The following AQP4 variants were observed in gnomAD, a reference collection of about 807,000 sequenced individuals.
AQP4 encodes aquaporin-4.
Under a neutral mutation model 27.8 loss-of-function variants are expected in AQP4, and 18 were observed. That is an observed-to-expected ratio of 0.65 (90% confidence interval 0.45 to 0.96). AQP4 has a LOEUF of 0.96. Ranked by LOEUF, AQP4 falls within the 40% of genes least tolerant of loss-of-function variation. The probability of loss-of-function intolerance (pLI) is 0.00; values close to 1 mark genes in which losing one functional copy is unlikely to be tolerated. For missense variants in AQP4, 412 were observed against 408.2 expected (o/e 1.01, Z -0.08); for synonymous variants, 141 against 142.9 (o/e 0.99, Z 0.10).
chr18:26,853,106 T>TTTGGAA lies in AQP4; in HGVS notation c.*3104_*3105insTTCCAA. 1 of 388,838 alleles carries TTTGGAA rather than the reference T, an allele frequency of 2.6e-6. No individual in the cohort carries two copies. The highest frequency in any genetic ancestry group is 4.5e-6 in the Non-Finnish European group (1 of 220,330). 24.1% of individuals were successfully genotyped at this position (388,838 alleles called of 1,614,324 possible). On this transcript the variant is annotated 3_prime_UTR_variant, in exon 5 of 5. Transcript: ENST00000383168. ...TGATAAATCATATAGCTCAATTTCA[T>TTTGGAA]CACATATGTTTTCCAAAGATTTCTA...
At chr18:26,857,651 TGC>T (rs953557735) in intron 4 of AQP4, among the ~76,000 whole-genome samples, 2 of 152,184 alleles carry the variant, frequency 1.3e-5, no homozygotes, top group Admixed American at 6.5e-5. Context: ...ATATTAGCTA[TGC>T]CCCTAGAATA....
intron 1 of AQP4, among the ~76,000 whole-genome samples, chr18:26,864,368 C>A (rs993469893): frequency 2.6e-5 from 4 of 152,124 alleles, no homozygotes; most frequent in Non-Finnish European, 5.9e-5. Flanking sequence ...CTTTCTTGCC[C>A]AGGCCCGGGT....
In AQP4 at chr18:26,862,429, G is replaced by A. The variant is rs767503231; in HGVS notation, c.200C>T (p.Pro67Leu). The change falls in exon 2 of 5, where the codon CCG becomes CTG. Residue 67 changes from proline (P) to leucine (L), a missense_variant. Transcript: ENST00000383168. ...AAGGGAGATGAGAACCATGTCGACC[G>A]GTAAAGGCTTTTCTGTTCCACCCCA... ...INWGGTEKPLPVDMVLISLCF... is the reference protein window; with the variant it reads ...INWGGTEKPLLVDMVLISLCF... 9 of 1,614,062 alleles carry A rather than the reference G, an allele frequency of 5.6e-6. No homozygotes were observed. Among genetic ancestry groups the A allele is most frequent in the South Asian group, 4.4e-5 (4 of 91,084 alleles).
At chr18:26,858,689 G>C (rs1227643986) in intron 4 of AQP4, among the ~76,000 whole-genome samples, 1 of 152,132 alleles carries the variant, frequency 6.6e-6, no homozygotes, top group Non-Finnish European at 1.5e-5. Context: ...AATCCCACAA[G>C]GGAGACTAGA....
Position 26,856,109 on chromosome 18 carries a change from C to G in AQP4, c.*102G>C. On this transcript the variant is annotated 3_prime_UTR_variant, in exon 5 of 5. Coordinates refer to ENST00000383168, the MANE Select transcript of AQP4 (RefSeq NM_001650.7). ...AGTAATATGACATGAAACAACAAAC[C>G]TGCACATTTCTAATTTATAACAAAT... is the stretch of plus-strand genomic sequence containing the variant. The G allele has an allele frequency of 7.0e-7, 1 of 1,429,850 alleles. No homozygotes were observed. The allele number at this position is 1,429,850 out of a possible 1,614,324, so 88.6% of individuals were successfully genotyped here.
At position 26,861,203 on chromosome 18, in the gene AQP4, G is replaced by A. The variant is rs778752585; in HGVS notation, c.540C>T (p.Ser180=). ...TTGAGCCAGTGACATCAGTCCGTTT[G>A]GAATCACAGCTGGCAAAGATAGTAA... ...LVFTIFASCD[S]KRTDVTGSIA... is the part of the protein sequence containing the mutation. Residue 180 remains serine, a synonymous_variant, in exon 3 of 5, where the codon TCC becomes TCT. Coordinates refer to ENST00000383168, the MANE Select transcript of AQP4 (RefSeq NM_001650.7). 31 of 1,613,988 alleles carry A rather than the reference G, an allele frequency of 1.9e-5. No homozygotes were observed. The highest frequency in any genetic ancestry group is 2.5e-5 in the Non-Finnish European group (30 of 1,179,990).
Position 26,852,340 on chromosome 18 carries a change from G to A in AQP4, c.*3871C>T, listed in dbSNP as rs1329162527. 1 of 152,128 alleles carries A rather than the reference G, an allele frequency of 6.6e-6. No homozygotes were observed. Among genetic ancestry groups the A allele is most frequent in the Non-Finnish European group, 1.5e-5 (1 of 68,170 alleles). The allele number at this position is 152,128 out of a possible 1,614,324, so 9.4% of individuals were successfully genotyped here. A position where few individuals can be genotyped will look rare whatever the true frequency, so the allele number is the denominator to read the frequency against. ...AATTGTTTATATGTTTTCATAAATT[G>A]CATGTTTATTTAATTAATCCTGAAG... On this transcript the variant is annotated 3_prime_UTR_variant, in exon 5 of 5. Coordinates refer to ENST00000383168, the MANE Select transcript of AQP4 (RefSeq NM_001650.7).
At chr18:26,863,606 A>G (rs1451851677) in intron 1 of AQP4, among the ~76,000 whole-genome samples, 1 of 151,938 alleles carries the variant, frequency 6.6e-6, no homozygotes. Flanking sequence ...ATGCAGATAA[A>G]CCTGCCAAAG....
At chr18:26,865,427 T>A (rs2055041765) in intron 1 of AQP4, 1 of 621,896 alleles carries the variant, frequency 1.6e-6, no homozygotes. Context: ...TTTCCTGGGC[T>A]TTTGCAGATC....
chr18:26,852,849 C>T lies in AQP4; in HGVS notation c.*3362G>A. 3 of 398,382 alleles carry T rather than the reference C, an allele frequency of 7.5e-6. No homozygotes were observed. 24.7% of individuals were successfully genotyped at this position (398,382 alleles called of 1,614,324 possible). A position where few individuals can be genotyped will look rare whatever the true frequency, so the allele number is the denominator to read the frequency against. On this transcript the variant is annotated 3_prime_UTR_variant, in exon 5 of 5. Transcript: ENST00000383168. ...TATTGTTTGATAAGGTTGTCTGTGC[C>T]CCCCAGACTTCCATCTTCAGTTGCC...
At chr18:26,862,069 C>T (rs1273757173) in intron 2 of AQP4, 113 bp downstream of exon 2, 18 of 1,230,464 alleles carry the variant, frequency 1.5e-5, no homozygotes, top group East Asian at 2.3e-5. Context: ...TCAAAAATTC[C>T]CTAGGAGTAA....
At chr18:26,864,005 G>A (rs889309291) in intron 1 of AQP4, among the ~76,000 whole-genome samples, 2 of 150,506 alleles carry the variant, frequency 1.3e-5, no homozygotes, top group African/African-American at 2.4e-5. Context: ...GGGGGGGGGG[G>A]GCAATTACCC....
chr18:26,862,443 T>C lies in AQP4; in HGVS notation c.186A>G (p.Thr62=). The C allele has an allele frequency of 6.2e-7, 1 of 1,614,240 alleles. No homozygotes were observed. The highest frequency in any genetic ancestry group is 8.5e-7 in the Non-Finnish European group (1 of 1,180,036). ...CCATGTCGACCGGTAAAGGCTTTTC[T>C]GTTCCACCCCAGTTGATGGTGGATC... ...SLGSTINWGG[T]EKPLPVDMVL... Residue 62 remains threonine (T), a synonymous_variant, in exon 2 of 5, where the codon ACA becomes ACG. Coordinates refer to ENST00000383168, the MANE Select transcript of AQP4 (RefSeq NM_001650.7).
intron 1 of AQP4, among the ~76,000 whole-genome samples, chr18:26,864,969 C>G (rs2055031330): frequency 6.6e-6 from 1 of 152,160 alleles, no homozygotes. Context: ...TATTCATCAA[C>G]CAGAGAAATT....
intron 4 of AQP4, 109 bp downstream of exon 4, chr18:26,860,663 T>C: frequency 1.1e-6 from 1 of 946,070 alleles, no homozygotes; most frequent in Non-Finnish European, 1.7e-6. Context: ...AGGGTCAAGG[T>C]TGGAGAAATG....
At chr18:26,865,451 G>A in intron 1 of AQP4, 2 of 672,846 alleles carry the variant, frequency 3.0e-6, no homozygotes, top group South Asian at 3.4e-5. Flanking sequence ...AACATATGGA[G>A]GATTTGGCTA....
chr18:26,862,648 A>G, intron 1 of AQP4, 52 bp from the exon 2 acceptor site: 1 of 1,612,940 alleles, frequency 6.2e-7, no homozygotes, highest in Non-Finnish European at 8.5e-7. Flanking sequence ...AGGTTTATGA[A>G]TTTAGGTGAA....
chr18:26,862,837 T>C lies in AQP4; in HGVS notation c.33-241A>G, dbSNP rs2054979866. On this transcript the variant is annotated intron_variant, in intron 1 of 4. Transcript: ENST00000383168. ...GTTTCACGGAAAATTATCCAAACTG[T>C]CCCTAGAAAGGAAAAATGTCTAAAT... The C allele has an allele frequency of 3.6e-5, 21 of 588,518 alleles. No homozygotes were observed. The South Asian group carries it at 4.4e-4, about 12-fold the overall frequency. 36.5% of individuals were successfully genotyped at this position (588,518 alleles called of 1,614,324 possible). A position where few individuals can be genotyped will look rare whatever the true frequency, so the allele number is the denominator to read the frequency against.
intron 4 of AQP4, among the ~76,000 whole-genome samples, chr18:26,860,322 T>C (rs1249378763): frequency 1.3e-5 from 2 of 152,248 alleles, no homozygotes; most frequent in Non-Finnish European, 2.9e-5. Context: ...GTAAATATCT[T>C]TGCTATGGGC....
Sources: allele counts gnomAD v4.1 joint callset (sites outside exome capture counted in the v4.1 genomes callset), GRCh38; gene constraint gnomAD v4.1.1; transcripts MANE v1.5; gene names NCBI Gene and HGNC (gene_info 2026-07-23, HGNC 2026-07-21).